PTPRT: variants seen among roughly 807,000 people sequenced by gnomAD.
PTPRT encodes receptor-type tyrosine-protein phosphatase T.
PTPRT carries 56 observed loss-of-function variants against 176.8 expected under a neutral mutation model. That is an observed-to-expected ratio of 0.32 (90% CI 0.26 to 0.40). The LOEUF (loss-of-function observed/expected upper bound fraction) is 0.40. Ranked by LOEUF, PTPRT falls within the 10% of genes least tolerant of loss-of-function variation. The pLI is 1.00. For missense variants in PTPRT, 1,540 were observed against 1,908.2 expected (o/e 0.81, Z 3.60); for synonymous variants, 783 against 739.0 (o/e 1.06, Z -0.96).
chr20:42,345,460 T>C (rs953261604), intron 11 of PTPRT, among the ~76,000 whole-genome samples: 1 of 142,922 alleles, frequency 7.0e-6, no homozygotes, highest in Admixed American at 7.0e-5. Context: ...TAGATATACA[T>C]ATATATATAA....
chr20:42,087,729 CG>C (rs1241030769), intron 27 of PTPRT, among the ~76,000 whole-genome samples: 1 of 150,912 alleles, frequency 6.6e-6, no homozygotes, highest in African/African-American at 2.4e-5. Flanking sequence ...AAAAATTAGC[CG>C]GGTATGGTGG....
chr20:42,872,305 T>C (rs1358395312), intron 2 of PTPRT, among the ~76,000 whole-genome samples: 2 of 152,192 alleles, frequency 1.3e-5, no homozygotes, highest in Non-Finnish European at 2.9e-5. Context: ...TCTCACTGAT[T>C]AGTAGTTGTG....
chr20:42,782,230 C>A (rs1035573676), intron 3 of PTPRT, among the ~76,000 whole-genome samples: 6 of 151,970 alleles, frequency 3.9e-5, no homozygotes, highest in Admixed American at 2.0e-4. Context: ...AGGCATTCCT[C>A]CTTCTCCATC....
At chr20:42,806,757 C>T (rs2077615521) in intron 2 of PTPRT, among the ~76,000 whole-genome samples, 1 of 152,124 alleles carries the variant, frequency 6.6e-6, no homozygotes, top group South Asian at 2.1e-4. Flanking sequence ...GCTGAGGGGT[C>T]CATGCATAGG....
intron 7 of PTPRT, among the ~76,000 whole-genome samples, chr20:42,514,020 C>T (rs1291983512): frequency 1.3e-5 from 2 of 152,080 alleles, no homozygotes; most frequent in South Asian, 2.1e-4. Flanking sequence ...TGACAATTTA[C>T]TTCTCATTTT....
intron 16 of PTPRT, among the ~76,000 whole-genome samples, chr20:42,190,295 C>T (rs1288885803): frequency 6.6e-6 from 1 of 152,174 alleles, no homozygotes; most frequent in South Asian, 2.1e-4. Context: ...ATTTCCACTC[C>T]TTCCATCCTG....
At chr20:42,845,569 G>T (rs2078355577) in intron 2 of PTPRT, among the ~76,000 whole-genome samples, 1 of 152,250 alleles carries the variant, frequency 6.6e-6, no homozygotes, top group South Asian at 2.1e-4. Context: ...GACTCTCCTT[G>T]TTGAGAGGGC....
chr20:42,478,483 A>G (rs1206665189), intron 7 of PTPRT, among the ~76,000 whole-genome samples: 1 of 152,128 alleles, frequency 6.6e-6, no homozygotes, highest in Non-Finnish European at 1.5e-5. Flanking sequence ...ACCCTGCAAC[A>G]GGTACCTTCC....
chr20:43,005,174 C>T (rs1984788430), intron 1 of PTPRT, among the ~76,000 whole-genome samples: 1 of 152,130 alleles, frequency 6.6e-6, no homozygotes, highest in Admixed American at 6.5e-5. Flanking sequence ...CAAGTTAAAT[C>T]CCAGCTCTTC....
intron 13 of PTPRT, among the ~76,000 whole-genome samples, chr20:42,263,693 T>C (rs1198410659): frequency 1.3e-5 from 2 of 150,894 alleles, no homozygotes; most frequent in African/African-American, 4.9e-5. Context: ...TTTTTTTTTT[T>C]AACTTTACTT....
chr20:42,665,576 A>C (rs1318279910), intron 7 of PTPRT, among the ~76,000 whole-genome samples: 2 of 152,194 alleles, frequency 1.3e-5, no homozygotes, highest in African/African-American at 4.8e-5. Context: ...CATTTGACCC[A>C]GCCATCCAAT....
intron 6 of PTPRT, among the ~76,000 whole-genome samples, chr20:42,681,104 G>A (rs1160087227): frequency 6.6e-6 from 1 of 152,184 alleles, no homozygotes; most frequent in African/African-American, 2.4e-5. Context: ...AGAGAGAGAA[G>A]CAAAAATATA....
At chr20:42,339,439 T>G (rs570112556) in intron 11 of PTPRT, among the ~76,000 whole-genome samples, 1 of 152,182 alleles carries the variant, frequency 6.6e-6, no homozygotes, top group African/African-American at 2.4e-5. Flanking sequence ...GAGAGAGACA[T>G]GAGAGATCCA....
chr20:42,326,586 G>C (rs1414181592), intron 11 of PTPRT, among the ~76,000 whole-genome samples: 1 of 152,140 alleles, frequency 6.6e-6, no homozygotes, highest in Admixed American at 6.5e-5. Context: ...TTTAAAAATA[G>C]CTAAGGAAAA....
rs561072597 is a variant in PTPRT, at chr20:42,155,409, C to T, written c.2682+5943G>A. ...CAGCCCCAGATAGTGAGGTCCCATG[C>T]GACCATCAGTGGGAGGGAGGCCCAG... On this transcript the variant is annotated intron_variant, in intron 17 of 30. Transcript: ENST00000373187. Among the ~76,000 whole-genome samples the T allele has an allele frequency of 8.5e-5, 13 of 152,254 alleles. No individual in the cohort carries two copies. The South Asian group carries it at 1.0e-3, about 12-fold the overall frequency.
chr20:42,852,869 G>A (rs1284247099), intron 2 of PTPRT, among the ~76,000 whole-genome samples: 1 of 152,138 alleles, frequency 6.6e-6, no homozygotes, highest in Non-Finnish European at 1.5e-5. Flanking sequence ...CCTAGAGAGT[G>A]AACACAAGTT....
intron 7 of PTPRT, among the ~76,000 whole-genome samples, chr20:42,601,992 A>C (rs1403913742): frequency 6.6e-6 from 1 of 152,304 alleles, no homozygotes; most frequent in Admixed American, 6.5e-5. Flanking sequence ...GAGACCATTT[A>C]TGAAAATAAT....
At chr20:42,083,653 CTCAATTCT>C (rs1983581102) in intron 29 of PTPRT, among the ~76,000 whole-genome samples, 1 of 152,154 alleles carries the variant, frequency 6.6e-6, no homozygotes, top group African/African-American at 2.4e-5. Context: ...AAAGACTGAC[CTCAATTCT>C]GAGGTCAGTC....
At chr20:43,167,992 A>G (rs1317134707) in intron 1 of PTPRT, among the ~76,000 whole-genome samples, 1 of 152,204 alleles carries the variant, frequency 6.6e-6, no homozygotes, top group Non-Finnish European at 1.5e-5. Context: ...GAGACAATAA[A>G]TGTGTGTTAA....
Sources: gnomAD v4.1 joint callset for allele counts (sites outside exome capture counted in the v4.1 genomes callset) on GRCh38, gnomAD v4.1.1 for gene constraint, MANE v1.5 for transcripts, NCBI Gene and HGNC (gene_info 2026-07-23, HGNC 2026-07-21) for gene names.